The following AOC2 variants were observed in gnomAD, a reference collection of about 807,000 sequenced individuals.
AOC2 encodes amine oxidase [copper-containing] 2.
AOC2 carries 57 observed loss-of-function variants against 53.8 expected under a neutral mutation model. That is an observed-to-expected ratio of 1.06 (90% CI 0.86 to 1.32). The LOEUF is 1.32. Ranked by LOEUF, AOC2 falls within the 40% of genes most tolerant of loss-of-function variation. The probability of loss-of-function intolerance (pLI) is 0.00; values close to 1 mark genes in which losing one functional copy is unlikely to be tolerated. For missense variants in AOC2, 1,008 were observed against 957.2 expected (o/e 1.05, Z -0.70); for synonymous variants, 404 against 399.0 (o/e 1.01, Z -0.15).
chr17:42,848,544 T>TATATAC (rs1181397569), intron 1 of AOC2, among the ~76,000 whole-genome samples: 8 of 129,864 alleles, frequency 6.2e-5, no homozygotes, highest in African/African-American at 2.8e-4. Context: ...TATATATATA[T>TATATAC]ACATATATAT....
chr17:42,846,343 T>C, intron 1 of AOC2, 129 bp downstream of exon 1: 1 of 1,031,270 alleles, frequency 9.7e-7, no homozygotes, highest in Non-Finnish European at 1.4e-6. Context: ...ACACCACAGC[T>C]CTAGTGGCAA....
rs34625494 is a variant in AOC2, at chr17:42,850,152, C to T, written c.2075C>T (p.Thr692Ile). The change falls in exon 4 of 4, where the codon ACT becomes ATT. Residue 692 changes from threonine to isoleucine, a missense_variant. Coordinates refer to ENST00000253799, the MANE Select transcript of AOC2 (RefSeq NM_009590.4). ...PHAEDIPNTV[T>I]LGNRVGFLLR... Reference sequence around the variant, plus strand: ...GCCGAGGACATCCCAAACACAGTGACTCTGGGGAACAGAGTTGGCTTCTTG... The same window carrying T: ...GCCGAGGACATCCCAAACACAGTGATTCTGGGGAACAGAGTTGGCTTCTTG... The T allele has an allele frequency of 8.0e-4, 1,287 of 1,613,982 alleles. 10 individuals carry two copies. In the African/African-American group the frequency reaches 0.016, roughly 20 times the overall value.
At position 42,849,182 on chromosome 17, in the gene AOC2, G is replaced by C. The variant is rs1243438892; in HGVS notation, c.1685G>C (p.Arg562Pro). Residue 562 changes from arginine to proline, a missense_variant, in exon 2 of 4, where the codon CGG (arginine) becomes CCG (proline). By Grantham distance (103) the Arg-to-Pro change is moderately radical. Coordinates refer to ENST00000253799, the MANE Select transcript of AOC2 (RefSeq NM_009590.4). The stretch of plus-strand genomic sequence containing the variant: ...TGGCTACAGCGCCCACAGCTGACTC[G>C]GCAGGTCCTGGGAAAGGAGGACCTG... ...EHWLQRPQLT[R>P]QVLGKEDLTA... 6.2e-7 allele frequency: 1 copy of C among 1,614,004 alleles called. No homozygotes were observed. The highest frequency in any genetic ancestry group is 1.1e-5 in the South Asian group (1 of 91,084).
Position 42,845,275 on chromosome 17 carries a change from C to T in AOC2, c.649C>T (p.Arg217Ter), listed in dbSNP as rs747140883. ...ATPRGLRSGD[R>*]ATWMALYHNI... is the part of the protein sequence containing the mutation. The stretch of plus-strand genomic sequence containing the variant: ...CCCTCGGGGCTTGCGCTCAGGGGAC[C>T]GAGCTACCTGGATGGCCCTCTACCA... Residue 217 changes from arginine to a stop codon, truncating the protein, a stop_gained, in exon 1 of 4, where the codon CGA becomes TGA. Transcript: ENST00000253799. LOFTEE classifies it high-confidence loss of function. The T allele has an allele frequency of 3.1e-6, 5 of 1,614,018 alleles. No homozygotes were observed. Among genetic ancestry groups the T allele is most frequent in the East Asian group, 4.5e-5 (2 of 44,888 alleles).
At chr17:42,848,980 T>C in intron 1 of AOC2, 106 bp from the exon 2 acceptor site, 1 of 1,225,948 alleles carries the variant, frequency 8.2e-7, no homozygotes, top group Non-Finnish European at 1.1e-6. Flanking sequence ...TGATGCTCTC[T>C]CTGCCTTTTG....
In AOC2 at chr17:42,844,816, T is replaced by G; in HGVS notation, c.190T>G (p.Leu64Val). 1 of 1,613,490 alleles carries G rather than the reference T, an allele frequency of 6.2e-7. No individual in the cohort carries two copies. Among genetic ancestry groups the G allele is most frequent in the Non-Finnish European group, 8.5e-7 (1 of 1,179,706 alleles). ...QLFADLSREE[L>V]TAVMRFLTQR... ...GTTTGCAGACCTGAGCCGAGAGGAG[T>G]TGACAGCTGTGATGCGCTTTCTGAC... The change falls in exon 1 of 4, where the codon TTG becomes GTG. Residue 64 changes from leucine (L) to valine (V), a missense_variant. Transcript: ENST00000253799.
intron 1 of AOC2, among the ~76,000 whole-genome samples, 189 bp from the exon 2 acceptor site, chr17:42,848,897 C>T (rs1001429718): frequency 6.6e-6 from 1 of 152,094 alleles, no homozygotes; most frequent in Non-Finnish European, 1.5e-5. Context: ...GTTACCCTAT[C>T]GGATAGGGCA....
rs149660468 is a variant in AOC2 at position 42,850,093 on chromosome 17, T to A, written c.2016T>A (p.Ala672=). The change falls in exon 4 of 4, where the codon GCT becomes GCA. Residue 672 remains alanine, a synonymous_variant. Transcript: ENST00000253799. Reference sequence around the variant, plus strand: ...CCTTCTTCTTGCAGGATCTGGTGGCTTGGGTCACAGCCAGCTTCCTGCACA... The same window carrying A: ...CCTTCTTCTTGCAGGATCTGGTGGCATGGGTCACAGCCAGCTTCCTGCACA... ...NETLLGEDLV[A]WVTASFLHIP... 1,163 of 1,613,792 alleles carry A rather than the reference T, an allele frequency of 7.2e-4. No homozygotes were observed. Among genetic ancestry groups the A allele is most frequent in the Admixed American group, 1.4e-3 (87 of 60,008 alleles).
chr17:42,849,089 T>C lies in AOC2; in HGVS notation c.1592T>C (p.Leu531Pro), dbSNP rs754325554. ...HFKLDLDVAG[L>P]KNWVVAEDVV... ...CTCCTTTCCCTCCCCCTGGCAGGGC[T>C]GAAAAACTGGGTGGTAGCTGAAGAC... Residue 531 changes from leucine (L) to proline (P), a missense_variant, in exon 2 of 4, where the codon CTG becomes CCG. Coordinates refer to ENST00000253799, the MANE Select transcript of AOC2 (RefSeq NM_009590.4). 19 of 1,607,294 alleles carry C rather than the reference T, an allele frequency of 1.2e-5. No individual in the cohort carries two copies. In the South Asian group the frequency reaches 2.1e-4, roughly 18 times the overall value.
chr17:42,845,647 C>T lies in AOC2; in HGVS notation c.1021C>T (p.Leu341=). ...FTFGHGVFSG[L]RIFDVRFQGE... Reference sequence around the variant, plus strand: ...CTTTGGCCATGGGGTGTTCAGCGGCCTGAGGATTTTTGATGTTCGGTTCCA... The same window carrying T: ...CTTTGGCCATGGGGTGTTCAGCGGCTTGAGGATTTTTGATGTTCGGTTCCA... Residue 341 remains leucine (L), a synonymous_variant, in exon 1 of 4, where the codon CTG becomes TTG. Coordinates refer to ENST00000253799, the MANE Select transcript of AOC2 (RefSeq NM_009590.4). 1.2e-6 allele frequency: 2 copies of T among 1,614,186 alleles called. No homozygotes were observed. The highest frequency in any genetic ancestry group is 1.1e-5 in the South Asian group (1 of 91,076).
rs748910015 is a variant in AOC2 at position 42,844,965 on chromosome 17, C to G, written c.339C>G (p.Ser113Arg). 1.2e-6 allele frequency: 2 copies of G among 1,610,302 alleles called. No individual in the cohort carries two copies. Among genetic ancestry groups the G allele is most frequent in the Non-Finnish European group, 1.7e-6 (2 of 1,177,752 alleles). Residue 113 changes from serine to arginine, a missense_variant, in exon 1 of 4, where the codon AGC becomes AGG. Transcript: ENST00000253799. The part of the protein sequence containing the change: ...AAALAHLDRG[S>R]PPPAREALAI... ...CCCTGGCCCACCTGGACAGGGGGAGCCCCCCACCTGCCCGGGAGGCACTGG... is the reference window on the plus strand; with the variant it reads ...CCCTGGCCCACCTGGACAGGGGGAGGCCCCCACCTGCCCGGGAGGCACTGG...
intron 1 of AOC2, among the ~76,000 whole-genome samples, chr17:42,847,783 T>C (rs1482272420): frequency 7.3e-6 from 1 of 136,400 alleles, no homozygotes; most frequent in Non-Finnish European, 1.6e-5. Flanking sequence ...CACGCCCAGC[T>C]TTTTTTTTTT....
chr17:42,846,219 G>C lies in AOC2; in HGVS notation c.1588+5G>C. ...AGCTGGACCTGGATGTGGCAGGTGAGTGCTGAGGGGATGAGGATGGAGACT... is the reference window on the plus strand; with the variant it reads ...AGCTGGACCTGGATGTGGCAGGTGACTGCTGAGGGGATGAGGATGGAGACT... On this transcript the variant is annotated splice_donor_5th_base_variant and intron_variant, in intron 1 of 3. Coordinates refer to ENST00000253799, the MANE Select transcript of AOC2 (RefSeq NM_009590.4). The C allele has an allele frequency of 6.6e-7, 1 of 1,509,454 alleles. No homozygotes were observed. The highest frequency in any genetic ancestry group is 2.3e-5 in the East Asian group (1 of 43,714). 93.5% of individuals were successfully genotyped at this position (1,509,454 alleles called of 1,614,324 possible). A position where few individuals can be genotyped will look rare whatever the true frequency, so the allele number is the denominator to read the frequency against.
intron 1 of AOC2, among the ~76,000 whole-genome samples, chr17:42,848,539 A>G (rs1180684601): frequency 7.4e-6 from 1 of 136,014 alleles, no homozygotes; most frequent in African/African-American, 3.2e-5. Context: ...ATATATATAT[A>G]TATATACATA....
chr17:42,847,094 TG>T (rs1268610508), intron 1 of AOC2, among the ~76,000 whole-genome samples: 1 of 152,272 alleles, frequency 6.6e-6, no homozygotes, highest in Non-Finnish European at 1.5e-5. Context: ...TCTCTGTGCA[TG>T]CACTTGCACT....
At position 42,845,803 on chromosome 17, in the gene AOC2, G is replaced by C. The variant is rs770574752; in HGVS notation, c.1177G>C (p.Val393Leu). ...ACTCGGCCGTAACAGCCGAGGCTTG[G>C]TGCGGGGAGTGGACTGCCCCTATCA... ...FGLGRNSRGL[V>L]RGVDCPYQAT... The change falls in exon 1 of 4, where the codon GTG (valine) becomes CTG (leucine). Residue 393 changes from valine to leucine, a missense_variant. By Grantham distance (32) the Val-to-Leu change is conservative. Transcript: ENST00000253799. The C allele has an allele frequency of 8.1e-6, 13 of 1,614,082 alleles. No individual in the cohort carries two copies. Among genetic ancestry groups the C allele is most frequent in the Non-Finnish European group, 1.1e-5 (13 of 1,180,052 alleles).
rs1293469373 is a variant in AOC2 at position 42,845,248 on chromosome 17, A to G, written c.622A>G (p.Thr208Ala). ...CTCTACCCTGGCAGCTGTGCATGCC[A>G]CCCCTCGGGGCTTGCGCTCAGGGGA... is the stretch of plus-strand genomic sequence containing the variant. ...NGSTLAAVHA[T>A]PRGLRSGDRA... is the part of the protein sequence containing the mutation. Residue 208 changes from threonine (T) to alanine (A), a missense_variant, in exon 1 of 4, where the codon ACC (threonine) becomes GCC (alanine). Thr to Ala is a moderately conservative substitution (Grantham distance 58, BLOSUM62 0). Transcript: ENST00000253799. The G allele has an allele frequency of 2.5e-6, 4 of 1,613,972 alleles. No individual in the cohort carries two copies.
At chr17:42,846,708 T>C (rs1428110700) in intron 1 of AOC2, among the ~76,000 whole-genome samples, 1 of 151,988 alleles carries the variant, frequency 6.6e-6, no homozygotes, top group African/African-American at 2.4e-5. Flanking sequence ...CTGGGGTTGC[T>C]CCCCAGGATA....
chr17:42,848,664 C>T (rs1356603724), intron 1 of AOC2, among the ~76,000 whole-genome samples: 1 of 151,268 alleles, frequency 6.6e-6, no homozygotes, highest in Non-Finnish European at 1.5e-5. Flanking sequence ...AATCCTCCTA[C>T]CCCAGCTTCC....
Sources: gnomAD v4.1 joint callset for allele counts (sites outside exome capture counted in the v4.1 genomes callset) on GRCh38, gnomAD v4.1.1 for gene constraint, MANE v1.5 for transcripts, NCBI Gene and HGNC (gene_info 2026-07-23, HGNC 2026-07-21) for gene names.